Variants in MSANTD2 observed in about 807,000 individuals in gnomAD.
The protein encoded by MSANTD2 is Myb/SANT DNA binding domain containing 2, also known as myb/SANT-like DNA-binding domain-containing protein 2.
Under a neutral mutation model 52.6 loss-of-function variants are expected in MSANTD2, and 19 were observed. The observed-to-expected ratio is 0.36, with a 90% CI of 0.25 to 0.53. The LOEUF (loss-of-function observed/expected upper bound fraction) is 0.53, where lower values mean the gene tolerates loss of function less well. Ranked by LOEUF, MSANTD2 falls within the 20% of genes least tolerant of loss-of-function variation. MSANTD2 has a pLI of 0.91. For missense variants in MSANTD2, 558 were observed against 716.3 expected (o/e 0.78, Z 2.52); for synonymous variants, 291 against 289.7 (o/e 1.00, Z -0.04).
intron 1 of MSANTD2, among the ~76,000 whole-genome samples, chr11:124,793,722 T>C (rs1945402874): frequency 6.6e-6 from 1 of 152,156 alleles, no homozygotes; most frequent in African/African-American, 2.4e-5. Flanking sequence ...GAACCTAGAA[T>C]ATGCACTGTT....
chr11:124,796,383 T>C (rs973660275), intron 1 of MSANTD2, among the ~76,000 whole-genome samples: 2 of 152,228 alleles, frequency 1.3e-5, no homozygotes, highest in East Asian at 1.9e-4. Context: ...AGTTGCTATA[T>C]AGCTCTTCCT....
chr11:124,772,809 T>C (rs576537799), intron 3 of MSANTD2, among the ~76,000 whole-genome samples, 185 bp downstream of exon 3: 1 of 150,814 alleles, frequency 6.6e-6, no homozygotes, highest in African/African-American at 2.4e-5. Flanking sequence ...TTACCAGTGA[T>C]GCTATGTTTG....
intron 1 of MSANTD2, among the ~76,000 whole-genome samples, chr11:124,786,383 C>A (rs1279914559): frequency 6.6e-6 from 1 of 152,218 alleles, no homozygotes; most frequent in African/African-American, 2.4e-5. Context: ...TCCCCATCAT[C>A]TATCTCTAAG....
At chr11:124,791,706 G>A in intron 1 of MSANTD2, 2 of 1,006,418 alleles carry the variant, frequency 2.0e-6, no homozygotes, top group Non-Finnish European at 3.1e-6. Flanking sequence ...TGGGGAAGGG[G>A]AAAGATGAGA....
intron 1 of MSANTD2, chr11:124,791,605 A>T (rs1179745161): frequency 6.8e-7 from 1 of 1,475,408 alleles, no homozygotes. Context: ...CCGCTGCCCA[A>T]TATCAGTGGG....
intron 1 of MSANTD2, chr11:124,791,548 A>G: frequency 8.5e-7 from 1 of 1,178,522 alleles, no homozygotes; most frequent in South Asian, 1.3e-5. Flanking sequence ...GTGCAGACAG[A>G]AGGGTCACCA....
chr11:124,791,852 A>G (rs1945342658), intron 1 of MSANTD2: 1 of 447,344 alleles, frequency 2.2e-6, no homozygotes, highest in African/African-American at 2.0e-5. Flanking sequence ...TACTGTTATG[A>G]AAGAGGCTCT....
rs1298670899 is a variant in MSANTD2 at position 124,767,518 on chromosome 11, T to C, written c.1338A>G (p.Pro446=). The C allele has an allele frequency of 1.2e-6, 2 of 1,614,078 alleles. No homozygotes were observed. Among genetic ancestry groups the C allele is most frequent in the East Asian group, 2.2e-5 (1 of 44,894 alleles). The change falls in exon 4 of 4, where the codon CCA becomes CCG. Residue 446 remains proline (P), a synonymous_variant. Transcript: ENST00000374979. The surrounding 1 kb of genome is among the most constrained non-coding windows in gnomAD (Gnocchi z 6.5). ...CCAGGTCAACCCGGCCCTCTTTTCCTGGGTCCAGGGAACTTTGCTCCATGT... is the reference window on the plus strand; with the variant it reads ...CCAGGTCAACCCGGCCCTCTTTTCCCGGGTCCAGGGAACTTTGCTCCATGT... ...SPHMEQSSLD[P]GKEGRVDLET... is the part of the protein sequence containing the mutation.
chr11:124,771,172 C>T (rs1487031498), intron 3 of MSANTD2, among the ~76,000 whole-genome samples: 1 of 152,186 alleles, frequency 6.6e-6, no homozygotes, highest in African/African-American at 2.4e-5. Context: ...CCACGCCCAA[C>T]TTACTTTTTA....
intron 3 of MSANTD2, among the ~76,000 whole-genome samples, chr11:124,771,639 G>A (rs1031936908): frequency 2.0e-5 from 3 of 152,182 alleles, no homozygotes; most frequent in South Asian, 4.1e-4. Flanking sequence ...GCATGGTGAC[G>A]CGCCTGTAGT....
chr11:124,767,263 T>C lies in MSANTD2; in HGVS notation c.1593A>G (p.Val531=). ...VSPKSIYIKF[V]EVERDFLSAG... is the part of the protein sequence containing the mutation. Reference sequence around the variant, plus strand: ...CGGAAAGAAAATCCCTCTCTACTTCTACAAATTTGATGTAGATGGATTTGG... The same window carrying C: ...CGGAAAGAAAATCCCTCTCTACTTCCACAAATTTGATGTAGATGGATTTGG... Residue 531 remains valine (V), a synonymous_variant, in exon 4 of 4, where the codon GTA becomes GTG. Coordinates refer to ENST00000374979, the MANE Select transcript of MSANTD2 (RefSeq NM_001308027.2). This position sits in a 1 kb window ranked among gnomAD's most constrained non-coding sequence, Gnocchi z 6.5. The C allele has an allele frequency of 6.2e-7, 1 of 1,614,192 alleles. No individual in the cohort carries two copies. Among genetic ancestry groups the C allele is most frequent in the African/African-American group, 1.3e-5 (1 of 75,040 alleles).
At chr11:124,782,950 CTTG>C (rs1216981819) in intron 1 of MSANTD2, among the ~76,000 whole-genome samples, 1 of 152,226 alleles carries the variant, frequency 6.6e-6, no homozygotes, top group Non-Finnish European at 1.5e-5. Flanking sequence ...ATCTATCATT[CTTG>C]TTGTTATACC....
intron 1 of MSANTD2, among the ~76,000 whole-genome samples, chr11:124,797,128 G>A (rs1032831512): frequency 3.9e-5 from 6 of 152,114 alleles, no homozygotes; most frequent in African/African-American, 1.4e-4. Flanking sequence ...CAGTATTATT[G>A]AATAATACTG....
chr11:124,785,317 TTAA>T (rs1008030698), intron 1 of MSANTD2, among the ~76,000 whole-genome samples: 1 of 152,212 alleles, frequency 6.6e-6, no homozygotes, highest in Non-Finnish European at 1.5e-5. Context: ...TCATTCCTAC[TTAA>T]TAATAATGTT....
chr11:124,773,523 C>T (rs1478066793), intron 2 of MSANTD2: 1 of 154,776 alleles, frequency 6.5e-6, no homozygotes, highest in Non-Finnish European at 1.4e-5. Context: ...GTAATTTAGA[C>T]CTTATTACTC....
intron 1 of MSANTD2, chr11:124,791,936 T>C: frequency 3.8e-6 from 1 of 264,648 alleles, no homozygotes; most frequent in South Asian, 4.3e-5. Context: ...TATAGTGTCA[T>C]TATGTGGATT....
At chr11:124,768,133 G>A in intron 3 of MSANTD2, 105 bp from the exon 4 acceptor site, 2 of 1,043,864 alleles carry the variant, frequency 1.9e-6, no homozygotes, top group Non-Finnish European at 2.8e-6. Context: ...GCCCAATATG[G>A]TGGCCACTAG....
At chr11:124,768,221 A>G (rs1944373941) in intron 3 of MSANTD2, among the ~76,000 whole-genome samples, 193 bp from the exon 4 acceptor site, 2 of 152,244 alleles carry the variant, frequency 1.3e-5, no homozygotes. Flanking sequence ...ACATGTGACT[A>G]GCAGCTACTG....
chr11:124,794,538 C>A (rs1238627220), intron 1 of MSANTD2, among the ~76,000 whole-genome samples: 2 of 152,210 alleles, frequency 1.3e-5, no homozygotes, highest in Non-Finnish European at 2.9e-5. Context: ...AGTAGCTTAT[C>A]ATATTTCTTA....
Sources: allele counts gnomAD v4.1 joint callset (sites outside exome capture counted in the v4.1 genomes callset), GRCh38; gene constraint gnomAD v4.1.1; non-coding constraint Gnocchi (gnomAD v3.1); transcripts MANE v1.5; gene names NCBI Gene and HGNC (gene_info 2026-07-23, HGNC 2026-07-21).